Variants in KCNIP4 observed in about 807,000 individuals in gnomAD.
The protein encoded by KCNIP4 is potassium voltage-gated channel interacting protein 4, also known as Kv channel-interacting protein 4.
KCNIP4 carries 12 observed loss-of-function variants against 34.0 expected under a neutral mutation model. The observed-to-expected ratio is 0.35, with a 90% confidence interval of 0.23 to 0.57. The LOEUF (loss-of-function observed/expected upper bound fraction) is 0.57, where lower values mean the gene tolerates loss of function less well. KCNIP4 is among the 20% of genes least tolerant of loss of function. The pLI is 0.83. For missense variants in KCNIP4, 238 were observed against 311.7 expected, an observed-to-expected ratio of 0.76 and a Z score of 1.78; for synonymous variants, 124 against 102.2, an observed-to-expected ratio of 1.21 and a Z score of -1.29.
intron 3 of KCNIP4, among the ~76,000 whole-genome samples, chr4:20,840,808 G>T (rs546463404): frequency 6.6e-6 from 1 of 152,272 alleles, no homozygotes; most frequent in African/African-American, 2.4e-5. Context: ...ATATGGTGAC[G>T]TGCTGGATAC....
intron 1 of KCNIP4, among the ~76,000 whole-genome samples, chr4:21,247,045 ATAACT>A (rs1317869346): frequency 2.6e-5 from 4 of 152,282 alleles, no homozygotes; most frequent in Admixed American, 6.5e-5. Flanking sequence ...AGAGATTTTA[ATAACT>A]TAACTCAAAT....
intron 1 of KCNIP4, among the ~76,000 whole-genome samples, chr4:21,297,279 A>T (rs543146869): frequency 1.3e-5 from 2 of 152,190 alleles, no homozygotes; most frequent in East Asian, 3.9e-4. Flanking sequence ...TGGCTACCAG[A>T]TGGTAATGGC....
intron 1 of KCNIP4, among the ~76,000 whole-genome samples, chr4:21,682,362 C>T (rs1013464215): frequency 6.6e-6 from 1 of 152,148 alleles, no homozygotes. Flanking sequence ...TGGGCAGGGA[C>T]ACATATCCAA....
chr4:20,767,924 T>A (rs555841397), intron 3 of KCNIP4, among the ~76,000 whole-genome samples: 2 of 152,338 alleles, frequency 1.3e-5, no homozygotes, highest in African/African-American at 4.8e-5. Context: ...TTTCACCAAC[T>A]CTCACACCCA....
At chr4:21,751,940 C>T (rs1037832709) in intron 1 of KCNIP4, among the ~76,000 whole-genome samples, 1 of 152,178 alleles carries the variant, frequency 6.6e-6, no homozygotes, top group Non-Finnish European at 1.5e-5. Context: ...CTAATAGAAA[C>T]TGTCTTTCTA....
At chr4:21,566,469 C>A (rs1261747434) in intron 1 of KCNIP4, among the ~76,000 whole-genome samples, 2 of 152,058 alleles carry the variant, frequency 1.3e-5, no homozygotes, top group African/African-American at 2.4e-5. Flanking sequence ...ATAGCACCTC[C>A]CCCTTCGCTC....
chr4:21,036,882 A>G (rs1237712018), intron 1 of KCNIP4, among the ~76,000 whole-genome samples: 3 of 152,250 alleles, frequency 2.0e-5, no homozygotes, highest in Admixed American at 2.0e-4. Flanking sequence ...AAAAATTTAT[A>G]CCACCTTAGT....
chr4:21,419,042 T>C (rs1725213930), intron 1 of KCNIP4, among the ~76,000 whole-genome samples: 1 of 152,216 alleles, frequency 6.6e-6, no homozygotes, highest in Admixed American at 6.5e-5. Flanking sequence ...TAGGGCCTTC[T>C]ACTCGGGAGT....
intron 1 of KCNIP4, among the ~76,000 whole-genome samples, chr4:20,953,362 T>C (rs1179329781): frequency 6.6e-6 from 1 of 152,164 alleles, no homozygotes; most frequent in Admixed American, 6.5e-5. Flanking sequence ...GGTTGGAACC[T>C]AGCACAGTGC....
At chr4:21,001,860 C>T (rs774770135) in intron 1 of KCNIP4, among the ~76,000 whole-genome samples, 12 of 152,266 alleles carry the variant, frequency 7.9e-5, no homozygotes, top group Non-Finnish European at 1.2e-4. Context: ...CACCAAATGA[C>T]GTTTATTTGT....
intron 1 of KCNIP4, among the ~76,000 whole-genome samples, chr4:21,404,648 A>T (rs1723822762): frequency 6.6e-6 from 1 of 152,186 alleles, no homozygotes. Context: ...ATAAAAAAGT[A>T]TTATTATATA....
chr4:20,958,374 G>A (rs111803785), intron 1 of KCNIP4, among the ~76,000 whole-genome samples: 2 of 152,138 alleles, frequency 1.3e-5, no homozygotes, highest in African/African-American at 2.4e-5. Flanking sequence ...GTCAGACTTC[G>A]ACCAAAGTCA....
chr4:21,937,133 GTGTGC>G (rs1729903785), intron 1 of KCNIP4, among the ~76,000 whole-genome samples: 1 of 152,102 alleles, frequency 6.6e-6, no homozygotes, highest in Non-Finnish European at 1.5e-5. Flanking sequence ...TGTAATAAAT[GTGTGC>G]TTCTCTGAAA....
chr4:20,925,976 A>T (rs1560574993), intron 1 of KCNIP4, among the ~76,000 whole-genome samples: 2 of 152,232 alleles, frequency 1.3e-5, no homozygotes, highest in South Asian at 2.1e-4. Context: ...AAAGTGCCCA[A>T]AGTTGTTTTT....
chr4:21,477,011 T>A (rs573752739), intron 1 of KCNIP4, among the ~76,000 whole-genome samples: 2 of 152,268 alleles, frequency 1.3e-5, no homozygotes, highest in South Asian at 2.1e-4. Context: ...TTAAGGAGTG[T>A]CCTAAGAGAC....
intron 1 of KCNIP4, among the ~76,000 whole-genome samples, chr4:21,053,974 T>C (rs551087231): frequency 1.1e-4 from 15 of 131,644 alleles, no homozygotes; most frequent in East Asian, 4.3e-4. Flanking sequence ...CTAATCATAA[T>C]TCCATCAAGT....
chr4:21,097,573 G>C (rs1031755715), intron 1 of KCNIP4, among the ~76,000 whole-genome samples: 4 of 151,936 alleles, frequency 2.6e-5, no homozygotes, highest in African/African-American at 7.3e-5. Flanking sequence ...CATCTGTCTT[G>C]GTGATCTGCG....
intron 1 of KCNIP4, among the ~76,000 whole-genome samples, chr4:21,535,440 A>G (rs1172332204): frequency 6.6e-6 from 1 of 152,108 alleles, no homozygotes; most frequent in Non-Finnish European, 1.5e-5. Flanking sequence ...TACCATCTCA[A>G]ATTAGAGTTC....
intron 1 of KCNIP4, among the ~76,000 whole-genome samples, chr4:20,975,218 G>T (rs1431453183): frequency 1.3e-5 from 2 of 151,924 alleles, no homozygotes; most frequent in African/African-American, 2.4e-5. Flanking sequence ...TAGACTTAAG[G>T]TGATTTTATT....
Sources: gnomAD v4.1 joint callset for allele counts (sites outside exome capture counted in the v4.1 genomes callset) on GRCh38, gnomAD v4.1.1 for gene constraint, MANE v1.5 for transcripts, NCBI Gene and HGNC (gene_info 2026-07-23, HGNC 2026-07-21) for gene names.